The following COX6A2 variants were observed in gnomAD, a reference collection of about 807,000 sequenced individuals.
COX6A2 encodes the protein cytochrome c oxidase subunit 6A2, mitochondrial.
COX6A2 carries 5 observed loss-of-function variants against 7.2 expected under a neutral mutation model. The ratio of observed to expected loss-of-function variants is 0.69; its 90% CI spans 0.36 to 1.45. The LOEUF (loss-of-function observed/expected upper bound fraction) is 1.45. COX6A2 is among the 40% of genes most tolerant of loss of function. COX6A2 has a pLI of 0.03. For missense variants in COX6A2, 174 were observed against 137.7 expected (o/e 1.26, Z -1.32); for synonymous variants, 63 against 55.9 (o/e 1.13, Z -0.56).
At chr16:31,428,189 C>T in intron 1 of COX6A2, 38 bp from the exon 2 acceptor site, 2 of 1,551,228 alleles carry the variant, frequency 1.3e-6, no homozygotes, top group Non-Finnish European at 1.7e-6. Context: ...GGTCCTGGGG[C>T]GGCGGGCCTG....
rs1597176298 is a variant in COX6A2 at position 31,427,841 on chromosome 16, T to C, written c.227A>G (p.Asp76Gly). 9 of 1,368,114 alleles carry C rather than the reference T, an allele frequency of 6.6e-6. No individual in the cohort carries two copies. In the South Asian group the frequency reaches 7.6e-5, roughly 12 times the overall value. 84.7% of individuals were successfully genotyped at this position (1,368,114 alleles called of 1,614,324 possible). ...RIRTKPYPWGDGNHTLFHNSH... is the reference protein window; with the variant it reads ...RIRTKPYPWGGGNHTLFHNSH... ...ATTGTGGAACAGAGTGTGGTTGCCGTCCCCCCAGGGGTAGGGCTGTGGAGA... is the reference window on the plus strand; with the variant it reads ...ATTGTGGAACAGAGTGTGGTTGCCGCCCCCCCAGGGGTAGGGCTGTGGAGA... The change falls in exon 3 of 3, where the codon GAC (aspartate) becomes GGC (glycine). Residue 76 changes from aspartate to glycine, a missense_variant. Transcript: ENST00000287490.
chr16:31,428,116 G>T lies in COX6A2; in HGVS notation c.109C>A (p.Leu37Met). Residue 37 changes from leucine to methionine, a missense_variant, in exon 2 of 3, where the codon CTG (leucine) becomes ATG (methionine). Transcript: ENST00000287490. ...AAGGTGCAGAGGGCCACGCTGGGCAGCGCCAGCACGAAGGTCAGCAGACGC... is the reference window on the plus strand; with the variant it reads ...AAGGTGCAGAGGGCCACGCTGGGCATCGCCAGCACGAAGGTCAGCAGACGC... ...TWRLLTFVLA[L>M]PSVALCTFNS... 1 of 1,570,350 alleles carries T rather than the reference G, an allele frequency of 6.4e-7. No homozygotes were observed. The highest frequency in any genetic ancestry group is 2.4e-5 in the East Asian group (1 of 42,160).
Position 31,428,257 on chromosome 16 carries a change from T to G in COX6A2, c.69A>C (p.Ala23=). 6.3e-7 allele frequency: 1 copy of G among 1,596,908 alleles called. No homozygotes were observed. ...ATCCGCCCGTTCCCCACTCACCTCC[T>G]GCTCCTCCGTGGCCTCCTTTGGCAG... is the stretch of plus-strand genomic sequence containing the variant. ...ASAAKGGHGG[A]GARTWRLLTF... Residue 23 remains alanine (A), a synonymous_variant, in exon 1 of 3, where the codon GCA becomes GCC. Coordinates refer to ENST00000287490, the MANE Select transcript of COX6A2 (RefSeq NM_005205.4).
In COX6A2 at chr16:31,427,757, C is replaced by T. The variant is rs2082146126; in HGVS notation, c.*17G>A. On this transcript the variant is annotated 3_prime_UTR_variant, in exon 3 of 3. Transcript: ENST00000287490. Reference sequence around the variant, plus strand: ...CGAAGCTTCACACCTTTATTGTGTCCGGGGGCGTCCGGGGCCTCAGGGGTG... The same window carrying T: ...CGAAGCTTCACACCTTTATTGTGTCTGGGGGCGTCCGGGGCCTCAGGGGTG... 10 of 1,391,694 alleles carry T rather than the reference C, an allele frequency of 7.2e-6. No individual in the cohort carries two copies. Among genetic ancestry groups the T allele is most frequent in the Non-Finnish European group, 9.4e-6 (10 of 1,067,540 alleles). 86.2% of individuals were successfully genotyped at this position (1,391,694 alleles called of 1,614,324 possible).
Position 31,428,153 on chromosome 16 carries a change from T to G in COX6A2, c.74-2A>C. ...AGGTCAGCAGACGCCAGGTACGAGCTGCGGACGGAGCGGGGTGAGCGCGGC... is the reference window on the plus strand; with the variant it reads ...AGGTCAGCAGACGCCAGGTACGAGCGGCGGACGGAGCGGGGTGAGCGCGGC... On this transcript the variant is annotated splice_acceptor_variant, in intron 1 of 2. Coordinates refer to ENST00000287490, the MANE Select transcript of COX6A2 (RefSeq NM_005205.4). LOFTEE classifies it high-confidence loss of function. 2 of 1,571,016 alleles carry G rather than the reference T, an allele frequency of 1.3e-6. No homozygotes were observed. The highest frequency in any genetic ancestry group is 1.7e-6 in the Non-Finnish European group (2 of 1,159,256).
At position 31,428,163 on chromosome 16, in the gene COX6A2, G is replaced by A; in HGVS notation, c.74-12C>T. The A allele has an allele frequency of 6.4e-7, 1 of 1,568,030 alleles. No homozygotes were observed. The highest frequency in any genetic ancestry group is 8.6e-7 in the Non-Finnish European group (1 of 1,157,488). On this transcript the variant is annotated splice_polypyrimidine_tract_variant and intron_variant, in intron 1 of 2. Coordinates refer to ENST00000287490, the MANE Select transcript of COX6A2 (RefSeq NM_005205.4). ...ACGCCAGGTACGAGCTGCGGACGGA[G>A]CGGGGTGAGCGCGGCGGTCCTGGGG...
At position 31,428,004 on chromosome 16, in the gene COX6A2, GT is replaced by G. The variant is rs2082151718; in HGVS notation, c.210+10del. 8.0e-7 allele frequency: 1 copy of G among 1,247,790 alleles called. No individual in the cohort carries two copies. Among genetic ancestry groups the G allele is most frequent in the South Asian group, 1.5e-5 (1 of 67,186 alleles). The allele number at this position is 1,247,790 out of a possible 1,614,324, so 77.3% of individuals were successfully genotyped here. ...GCACCCCCGTGCCGCCCGCGCGCCC[GT>G]CCCGCGTACCTTGGTGCGGATGCGG... On this transcript the variant is annotated intron_variant, in intron 2 of 2. Transcript: ENST00000287490.
rs926879837 is a variant in COX6A2, at chr16:31,428,154, G to C, written c.74-3C>G. On this transcript the variant is annotated splice_region_variant and splice_polypyrimidine_tract_variant and intron_variant, in intron 1 of 2. Coordinates refer to ENST00000287490, the MANE Select transcript of COX6A2 (RefSeq NM_005205.4). ...GGTCAGCAGACGCCAGGTACGAGCT[G>C]CGGACGGAGCGGGGTGAGCGCGGCG... is the stretch of plus-strand genomic sequence containing the variant. 1 of 1,570,114 alleles carries C rather than the reference G, an allele frequency of 6.4e-7. No individual in the cohort carries two copies. Among genetic ancestry groups the C allele is most frequent in the South Asian group, 1.2e-5 (1 of 85,176 alleles).
intron 2 of COX6A2, 68 bp from the exon 3 acceptor site, chr16:31,427,925 C>CCCCCCCCCCGCAGCA: frequency 5.1e-5 from 1 of 19,518 alleles, no homozygotes; most frequent in East Asian, 7.5e-4. Context: ...CCCGCGCGAC[C>CCCCCCCCCCGCAGCA]CCCCCCCCGC....
Position 31,428,015 on chromosome 16 carries a change from C to G in COX6A2, c.210G>C (p.Lys70Asn), listed in dbSNP as rs2082151784. ...RPYQHLRIRTKPYPWGDGNHT... is the reference protein window; with the variant it reads ...RPYQHLRIRTNPYPWGDGNHT... ...CCGCCCGCGCGCCCGTCCCGCGTAC[C>G]TTGGTGCGGATGCGGAGGTGTTGGT... The change falls in exon 2 of 3, where the codon AAG becomes AAC. Residue 70 changes from lysine to asparagine, a missense_variant and splice_region_variant. Lys to Asn is a moderately conservative substitution (Grantham distance 94). Transcript: ENST00000287490. 2 of 1,482,536 alleles carry G rather than the reference C, an allele frequency of 1.3e-6. No homozygotes were observed. The highest frequency in any genetic ancestry group is 1.8e-6 in the Non-Finnish European group (2 of 1,116,278). The allele number at this position is 1,482,536 out of a possible 1,614,324, so 91.8% of individuals were successfully genotyped here. A position where few individuals can be genotyped will look rare whatever the true frequency, so the allele number is the denominator to read the frequency against.
rs758972962 is a variant in COX6A2, at chr16:31,427,762, G to A, written c.*12C>T. The A allele has an allele frequency of 1.0e-4, 145 of 1,400,552 alleles. No individual in the cohort carries two copies. The highest frequency in any genetic ancestry group is 1.3e-4 in the Non-Finnish European group (141 of 1,072,490). 86.8% of individuals were successfully genotyped at this position (1,400,552 alleles called of 1,614,324 possible). A position where few individuals can be genotyped will look rare whatever the true frequency, so the allele number is the denominator to read the frequency against. On this transcript the variant is annotated 3_prime_UTR_variant, in exon 3 of 3. Coordinates refer to ENST00000287490, the MANE Select transcript of COX6A2 (RefSeq NM_005205.4). Reference sequence around the variant, plus strand: ...CTTCACACCTTTATTGTGTCCGGGGGCGTCCGGGGCCTCAGGGGTGTTCGT... The same window carrying A: ...CTTCACACCTTTATTGTGTCCGGGGACGTCCGGGGCCTCAGGGGTGTTCGT...
Position 31,427,780 on chromosome 16 carries a change from G to T in COX6A2, c.288C>A (p.His96Gln). The change falls in exon 3 of 3, where the codon CAC becomes CAA. Residue 96 changes from histidine (H) to glutamine (Q), a missense_variant. Physicochemically the swap from His to Gln is conservative, Grantham distance 24. Coordinates refer to ENST00000287490, the MANE Select transcript of COX6A2 (RefSeq NM_005205.4). ...TCCGGGGGCGTCCGGGGCCTCAGGG[G>T]TGTTCGTAGCCCGTGGGCAGAGGGT... The part of the protein sequence containing the change: ...HVNPLPTGYE[H>Q]P 1 of 1,415,416 alleles carries T rather than the reference G, an allele frequency of 7.1e-7. No individual in the cohort carries two copies. Among genetic ancestry groups the T allele is most frequent in the Non-Finnish European group, 9.2e-7 (1 of 1,081,626 alleles). 87.7% of individuals were successfully genotyped at this position (1,415,416 alleles called of 1,614,324 possible). A position where few individuals can be genotyped will look rare whatever the true frequency, so the allele number is the denominator to read the frequency against.
In COX6A2 at chr16:31,428,238, C is replaced by G; in HGVS notation, c.73+15G>C. The G allele has an allele frequency of 1.3e-6, 2 of 1,575,874 alleles. No homozygotes were observed. The highest frequency in any genetic ancestry group is 1.7e-6 in the Non-Finnish European group (2 of 1,161,332). On this transcript the variant is annotated intron_variant, in intron 1 of 2. Transcript: ENST00000287490. ...AGGGTAGGGGAGCCCCCGGATCCGC[C>G]CGTTCCCCACTCACCTCCTGCTCCT...
rs988229644 is a variant in COX6A2 at position 31,428,283 on chromosome 16, C to T, written c.43G>A (p.Ala15Thr). ...LRPLTRGLAS[A>T]AKGGHGGAGA... ...GCTCCTCCGTGGCCTCCTTTGGCAG[C>T]GCTGGCCAAGCCCCGGGTCAGGGGC... Residue 15 changes from alanine (A) to threonine (T), a missense_variant, in exon 1 of 3, where the codon GCT (alanine) becomes ACT (threonine). Physicochemically the swap from Ala to Thr is moderately conservative, Grantham distance 58. Coordinates refer to ENST00000287490, the MANE Select transcript of COX6A2 (RefSeq NM_005205.4). 1.2e-6 allele frequency: 2 copies of T among 1,605,432 alleles called. No homozygotes were observed. The highest frequency in any genetic ancestry group is 1.7e-5 in the Admixed American group (1 of 59,070).
intron 1 of COX6A2, 27 bp from the exon 2 acceptor site, chr16:31,428,178 C>T (rs1196942571): frequency 1.3e-5 from 21 of 1,560,816 alleles, no homozygotes; most frequent in East Asian, 2.4e-5. Flanking sequence ...GTGAGCGCGG[C>T]GGTCCTGGGG....
Position 31,427,738 on chromosome 16 carries a change from T to G in COX6A2, c.*36A>C. ...CCCCACAGAGCCGCAGACTCGAAGC[T>G]TCACACCTTTATTGTGTCCGGGGGC... On this transcript the variant is annotated 3_prime_UTR_variant, in exon 3 of 3. Transcript: ENST00000287490. 7.4e-7 allele frequency: 1 copy of G among 1,345,476 alleles called. No homozygotes were observed. The highest frequency in any genetic ancestry group is 9.6e-7 in the Non-Finnish European group (1 of 1,038,348). The allele number at this position is 1,345,476 out of a possible 1,614,324, so 83.3% of individuals were successfully genotyped here. A position where few individuals can be genotyped will look rare whatever the true frequency, so the allele number is the denominator to read the frequency against.
chr16:31,427,732 C>G lies in COX6A2; in HGVS notation c.*42G>C, dbSNP rs375688325. 3.4e-4 allele frequency: 455 copies of G among 1,324,406 alleles called. 1 individual carries two copies. Among genetic ancestry groups the G allele is most frequent in the Non-Finnish European group, 4.3e-4 (437 of 1,024,988 alleles). 82.0% of individuals were successfully genotyped at this position (1,324,406 alleles called of 1,614,324 possible). A position where few individuals can be genotyped will look rare whatever the true frequency, so the allele number is the denominator to read the frequency against. ...CGCCCTCCCCACAGAGCCGCAGACTCGAAGCTTCACACCTTTATTGTGTCC... is the reference window on the plus strand; with the variant it reads ...CGCCCTCCCCACAGAGCCGCAGACTGGAAGCTTCACACCTTTATTGTGTCC... On this transcript the variant is annotated 3_prime_UTR_variant, in exon 3 of 3. Coordinates refer to ENST00000287490, the MANE Select transcript of COX6A2 (RefSeq NM_005205.4).
At position 31,428,338 on chromosome 16, in the gene COX6A2, A is replaced by G; in HGVS notation, c.-13T>C. 1 of 1,591,860 alleles carries G rather than the reference A, an allele frequency of 6.3e-7. No homozygotes were observed. The highest frequency in any genetic ancestry group is 2.3e-5 in the East Asian group (1 of 43,750). ...GAGGCAAAGCCATGATGGTGCGGGG[A>G]GCCGGGAACCAGCGCTGTCCTCGCT... On this transcript the variant is annotated 5_prime_UTR_variant, in exon 1 of 3. Transcript: ENST00000287490.
In COX6A2 at chr16:31,428,028, CGGA is replaced by C; in HGVS notation, c.194_196del (p.Leu65del). The C allele has an allele frequency of 6.6e-7, 1 of 1,505,050 alleles. No individual in the cohort carries two copies. The highest frequency in any genetic ancestry group is 1.4e-5 in the African/African-American group (1 of 69,012). 93.2% of individuals were successfully genotyped at this position (1,505,050 alleles called of 1,614,324 possible). A position where few individuals can be genotyped will look rare whatever the true frequency, so the allele number is the denominator to read the frequency against. ...CGTCCCGCGTACCTTGGTGCGGATGCGGAGGTGTTGGTAGGGACGGAACTCGGG... is the reference window on the plus strand; with the variant it reads ...CGTCCCGCGTACCTTGGTGCGGATGCGGTGTTGGTAGGGACGGAACTCGGG... On this transcript the variant is annotated inframe_deletion, in exon 2 of 3. Transcript: ENST00000287490.
Sources: gnomAD v4.1 joint callset for allele counts on GRCh38, gnomAD v4.1.1 for gene constraint, MANE v1.5 for transcripts, NCBI Gene and HGNC (gene_info 2026-07-23, HGNC 2026-07-21) for gene names.